Variants in LIPI observed in about 807,000 individuals in gnomAD.
LIPI encodes the protein lipase I.
A neutral mutation model predicts 50.6 loss-of-function variants in LIPI; 59 were observed. The ratio of observed to expected loss-of-function variants is 1.16; its 90% CI spans 0.94 to 1.45. LIPI has a LOEUF of 1.45. LIPI is among the 40% of genes most tolerant of loss of function. LIPI has a pLI of 0.00. For synonymous variants in LIPI, 203 were observed against 178.2 expected (o/e 1.14, Z -1.11); for missense variants, 586 against 536.3 (o/e 1.09, Z -0.92).
intron 9 of LIPI, among the ~76,000 whole-genome samples, chr21:14,131,439 A>G (rs1007979869): frequency 5.3e-5 from 8 of 152,208 alleles, no homozygotes; most frequent in African/African-American, 1.9e-4. Flanking sequence ...TGAGGAAATC[A>G]CAGTTAATAC....
At chr21:14,142,080 T>G (rs1243647651) in intron 9 of LIPI, among the ~76,000 whole-genome samples, 1 of 152,126 alleles carries the variant, frequency 6.6e-6, no homozygotes, top group East Asian at 1.9e-4. Context: ...CCTGGCCCCT[T>G]TACAGCCTAG....
intron 9 of LIPI, among the ~76,000 whole-genome samples, chr21:14,134,154 C>T (rs965291295): frequency 1.3e-5 from 2 of 151,864 alleles, no homozygotes; most frequent in Admixed American, 1.3e-4. Context: ...TCACTTGGGC[C>T]CAAGAAGTCA....
At chr21:14,135,975 A>G (rs115720581) in intron 9 of LIPI, among the ~76,000 whole-genome samples, 4,123 of 152,222 alleles carry the variant, frequency 0.027, 178 homozygotes, top group African/African-American at 0.091. Context: ...CAGCTCAGCC[A>G]CAACACGATA....
At chr21:14,206,795 G>C in intron 1 of LIPI, 2 of 1,387,676 alleles carry the variant, frequency 1.4e-6, no homozygotes, top group Non-Finnish European at 2.0e-6. Context: ...TATGAAGAAA[G>C]TGAAGTTAAA....
At chr21:14,161,679 T>A (rs867266715) in intron 7 of LIPI, among the ~76,000 whole-genome samples, 10 of 105,168 alleles carry the variant, frequency 9.5e-5, no homozygotes, top group African/African-American at 1.6e-4. Context: ...ATATACATTA[T>A]TATATATTAA....
At chr21:14,132,883 A>C (rs951330852) in intron 9 of LIPI, among the ~76,000 whole-genome samples, 10 of 152,212 alleles carry the variant, frequency 6.6e-5, no homozygotes, top group Non-Finnish European at 1.5e-4. Context: ...ATGTGCTCAC[A>C]AACTAGGAAA....
chr21:14,189,724 G>C (rs1202455252), intron 1 of LIPI, among the ~76,000 whole-genome samples: 2 of 151,930 alleles, frequency 1.3e-5, no homozygotes, highest in African/African-American at 4.8e-5. Flanking sequence ...AAGTGCAATG[G>C]GTACTAATCA....
chr21:14,183,055 T>C (rs910583635), intron 3 of LIPI, among the ~76,000 whole-genome samples: 17 of 151,932 alleles, frequency 1.1e-4, no homozygotes, highest in Admixed American at 5.9e-4. Context: ...GGAGGCATCA[T>C]GCTACCTGAC....
In LIPI at chr21:14,180,937, C is replaced by T. The variant is rs889247282; in HGVS notation, c.643+821G>A. Among the ~76,000 whole-genome samples the T allele has an allele frequency of 2.6e-5, 4 of 152,114 alleles. No individual in the cohort carries two copies. In the South Asian group the frequency reaches 6.2e-4, roughly 24 times the overall value. On this transcript the variant is annotated intron_variant, in intron 4 of 9. Transcript: ENST00000681601. The stretch of plus-strand genomic sequence containing the variant: ...CTTACCACCATATCCTCTCCTGATT[C>T]GGTTTATAAGAATAATATACTGGTT...
intron 1 of LIPI, 89 bp from the exon 2 acceptor site, chr21:14,189,508 G>T: frequency 1.7e-6 from 2 of 1,196,282 alleles, no homozygotes; most frequent in Non-Finnish European, 2.4e-6. Context: ...AATGTGGAGG[G>T]TAGGGAGGAT....
In LIPI at chr21:14,189,208, T is replaced by A. The variant is rs771110310; in HGVS notation, c.258A>T (p.Val86=). Residue 86 remains valine (V), a synonymous_variant, in exon 2 of 10, where the codon GTA becomes GTT. Coordinates refer to ENST00000681601, the MANE Select transcript of LIPI (RefSeq NM_001302998.2). ...TCTGAAGCCATAATGGGATGGAGCC[T>A]ACTGGTCTGTATCCGTGAATAAGCC... ...TVWLIHGYRP[V]GSIPLWLQNF... The A allele has an allele frequency of 6.2e-7, 1 of 1,614,030 alleles. No homozygotes were observed. The highest frequency in any genetic ancestry group is 1.1e-5 in the South Asian group (1 of 91,086).
At chr21:14,168,309 G>A (rs1014973222) in intron 4 of LIPI, among the ~76,000 whole-genome samples, 71 of 152,184 alleles carry the variant, frequency 4.7e-4, no homozygotes, top group Non-Finnish European at 9.3e-4. Context: ...TATCCAGGAG[G>A]ACTTCCCCAA....
At chr21:14,128,632 A>C (rs2017162056) in intron 9 of LIPI, among the ~76,000 whole-genome samples, 1 of 152,012 alleles carries the variant, frequency 6.6e-6, no homozygotes, top group South Asian at 2.1e-4. Context: ...AAAGATGCCT[A>C]AATAGTCAAA....
intron 9 of LIPI, among the ~76,000 whole-genome samples, chr21:14,110,985 C>G (rs62208637): frequency 0.18 from 26,359 of 148,760 alleles, 3,046 homozygotes; most frequent in Non-Finnish European, 0.26. Flanking sequence ...ACAGCTTCAT[C>G]CACTATTGAA....
At chr21:14,181,587 G>A (rs2019271421) in intron 4 of LIPI, among the ~76,000 whole-genome samples, 171 bp downstream of exon 4, 1 of 152,034 alleles carries the variant, frequency 6.6e-6, no homozygotes, top group Non-Finnish European at 1.5e-5. Context: ...TGACAATGCA[G>A]GAAATCACTA....
chr21:14,127,885 T>C (rs1336041083), intron 9 of LIPI, among the ~76,000 whole-genome samples: 1 of 152,066 alleles, frequency 6.6e-6, no homozygotes, highest in Non-Finnish European at 1.5e-5. Context: ...TAGTTACATA[T>C]GTATAGATAT....
chr21:14,184,903 G>T (rs1023102892), intron 3 of LIPI, among the ~76,000 whole-genome samples: 3 of 152,180 alleles, frequency 2.0e-5, no homozygotes, highest in Non-Finnish European at 2.9e-5. Context: ...GTAAGTAAGG[G>T]TATGCATAAG....
chr21:14,136,986 T>C (rs544886063), intron 9 of LIPI, among the ~76,000 whole-genome samples: 160 of 152,266 alleles, frequency 1.1e-3, no homozygotes, highest in African/African-American at 3.7e-3. Context: ...GGTACCTCTA[T>C]GAGTCTCCAA....
At position 14,118,614 on chromosome 21, in the gene LIPI, G is replaced by A. The variant is rs1031471394; in HGVS notation, c.1296-9534C>T. Among the ~76,000 whole-genome samples the A allele has an allele frequency of 1.4e-4, 21 of 152,100 alleles. 1 individual carries two copies. Among genetic ancestry groups the A allele is most frequent in the Non-Finnish European group, 5.9e-5 (4 of 68,028 alleles). ...CTCACAATCCCCAAAACAGATGAAT[G>A]GAGACTTCATGAAAGTAGTTGCCAG... On this transcript the variant is annotated intron_variant, in intron 9 of 9. Coordinates refer to ENST00000681601, the MANE Select transcript of LIPI (RefSeq NM_001302998.2).
Sources: allele counts gnomAD v4.1 joint callset (sites outside exome capture counted in the v4.1 genomes callset), GRCh38; gene constraint gnomAD v4.1.1; transcripts MANE v1.5; gene names NCBI Gene and HGNC (gene_info 2026-07-23, HGNC 2026-07-21).